CDKN2B-AS1: variants seen among roughly 807,000 people sequenced by gnomAD.
CDKN2B-AS1 encodes CDKN2B and CDKN2A antisense cis and trans regulatory RNA 1, also known as CDKN2B antisense RNA 1 (non-protein coding).
intron 1 of CDKN2B-AS1, among the ~76,000 whole-genome samples, chr9:22,035,260 G>A (rs1822642556): frequency 6.6e-6 from 1 of 151,952 alleles, no homozygotes; most frequent in African/African-American, 2.4e-5. Context: ...GTTCTTGTTG[G>A]TGCTTATTTC....
intron 4 of CDKN2B-AS1, among the ~76,000 whole-genome samples, chr9:22,111,093 TC>T (rs916224092): frequency 1.3e-5 from 2 of 152,184 alleles, no homozygotes; most frequent in African/African-American, 2.4e-5. Context: ...TTTGAGTTGT[TC>T]CCATTTTATT....
rs1587404636 is a variant in CDKN2B-AS1, at chr9:22,016,725, T to G, written n.29+21564T>G. On this transcript the variant is annotated intron_variant and non_coding_transcript_variant, in intron 1 of 4. Transcript: ENST00000650946. ...GGATTCCCTATTGAATAAATGGTGC[T>G]GGGAAAACTGGCTAGCCATATGTAG... Among the ~76,000 whole-genome samples, 2 of 152,302 alleles carry G rather than the reference T, an allele frequency of 1.3e-5. 1 individual carries two copies. Among genetic ancestry groups the G allele is most frequent in the African/African-American group, 4.8e-5 (2 of 41,588 alleles).
chr9:22,077,253 C>T (rs1236302036), intron 4 of CDKN2B-AS1, among the ~76,000 whole-genome samples: 1 of 148,122 alleles, frequency 6.8e-6, no homozygotes, highest in East Asian at 1.9e-4. Context: ...CTTCATTTAA[C>T]TCAATATATT....
At chr9:22,095,492 A>G (rs1044802192) in intron 4 of CDKN2B-AS1, among the ~76,000 whole-genome samples, 2 of 149,566 alleles carry the variant, frequency 1.3e-5, no homozygotes, top group African/African-American at 2.6e-5. Context: ...TTTGCTGAGG[A>G]GTGCTTTACT....
chr9:22,050,939 C>A (rs751974347), intron 3 of CDKN2B-AS1, among the ~76,000 whole-genome samples: 2 of 152,154 alleles, frequency 1.3e-5, no homozygotes, highest in Non-Finnish European at 2.9e-5. Context: ...TTTGAAAAAA[C>A]GGCTACCGTT....
intron 4 of CDKN2B-AS1, among the ~76,000 whole-genome samples, chr9:22,083,725 TTTGTGACTCAGTG>T (rs1248717707): frequency 6.6e-6 from 1 of 152,152 alleles, no homozygotes; most frequent in Non-Finnish European, 1.5e-5. Context: ...GTTTCTGAAT[TTTGTGACTCAGTG>T]AAGTTTTTGG....
Position 21,999,497 on chromosome 9 carries a change from TATAC to T in CDKN2B-AS1, n.29+4344_29+4347del, listed in dbSNP as rs1326653492. Among the ~76,000 whole-genome samples the T allele has an allele frequency of 1.3e-5, 2 of 151,986 alleles. No individual in the cohort carries two copies. Among genetic ancestry groups the T allele is most frequent in the Non-Finnish European group, 2.9e-5 (2 of 67,962 alleles). Reference sequence around the variant, plus strand: ...AGATGTATACACATGTACACATATATATACATACATATGTATATATGTATTTTAT... The same window carrying T: ...AGATGTATACACATGTACACATATATATACATATGTATATATGTATTTTAT... On this transcript the variant is annotated intron_variant and non_coding_transcript_variant, in intron 1 of 4. Transcript: ENST00000650946. The surrounding 1 kb of genome is among the most constrained non-coding windows in gnomAD (Gnocchi z 4.7).
At chr9:22,033,397 A>G (rs1463206304) in intron 1 of CDKN2B-AS1, among the ~76,000 whole-genome samples, 1 of 152,180 alleles carries the variant, frequency 6.6e-6, no homozygotes, top group African/African-American at 2.4e-5. Flanking sequence ...TTTCCTCACT[A>G]TATGCCAGCA....
At chr9:22,028,931 T>A (rs1822352107) in intron 1 of CDKN2B-AS1, among the ~76,000 whole-genome samples, 1 of 152,190 alleles carries the variant, frequency 6.6e-6, no homozygotes, top group Non-Finnish European at 1.5e-5. Flanking sequence ...AAACACAGAT[T>A]GATTATGGTA....
intron 4 of CDKN2B-AS1, chr9:22,121,130 C>A (rs147500678): frequency 6.6e-6 from 1 of 151,970 alleles, no homozygotes; most frequent in Non-Finnish European, 1.5e-5. Context: ...TACTTTTTCA[C>A]CCCATAACAC....
rs73650060 is a variant in CDKN2B-AS1 at position 22,116,760 on chromosome 9, G to T, written n.439-10343G>T. 8.1e-3 allele frequency among the ~76,000 whole-genome samples: 1,232 copies of T among 152,308 alleles called. 18 individuals carry two copies. Among genetic ancestry groups the T allele is most frequent in the African/African-American group, 0.028 (1,156 of 41,552 alleles). ...GCTGAGGCCATAAAAGGTCCTATAG[G>T]TCATGGAAAGACATTTGGTTACCAT... On this transcript the variant is annotated intron_variant and non_coding_transcript_variant, in intron 4 of 4. Transcript: ENST00000650946.
intron 1 of CDKN2B-AS1, among the ~76,000 whole-genome samples, chr9:22,033,950 T>C (rs917147827): frequency 2.6e-5 from 4 of 152,208 alleles, no homozygotes; most frequent in Admixed American, 2.6e-4. Context: ...CTTAAGATTA[T>C]ACAAGTAGTA....
intron 4 of CDKN2B-AS1, among the ~76,000 whole-genome samples, chr9:22,113,974 TAA>T (rs889891405): frequency 7.2e-5 from 11 of 152,186 alleles, no homozygotes; most frequent in African/African-American, 2.4e-4. Context: ...AAAATTCTCT[TAA>T]AAAGACTCTA....
chr9:22,033,178 T>C (rs1476824473), intron 1 of CDKN2B-AS1, among the ~76,000 whole-genome samples: 1 of 152,116 alleles, frequency 6.6e-6, no homozygotes, highest in African/African-American at 2.4e-5. Context: ...CCCACCCACC[T>C]GCAGAAGAAT....
intron 1 of CDKN2B-AS1, among the ~76,000 whole-genome samples, chr9:22,044,778 T>C (rs1273652691): frequency 6.6e-6 from 1 of 151,724 alleles, no homozygotes; most frequent in African/African-American, 2.4e-5. Flanking sequence ...GCCAAATGAG[T>C]CAGTAAGAGA....
At chr9:22,083,187 A>G (rs1392902488) in intron 4 of CDKN2B-AS1, among the ~76,000 whole-genome samples, 1 of 152,230 alleles carries the variant, frequency 6.6e-6, no homozygotes, top group Non-Finnish European at 1.5e-5. Flanking sequence ...AAATTGCATC[A>G]TACAGAGATG....
intron 4 of CDKN2B-AS1, among the ~76,000 whole-genome samples, chr9:22,094,570 C>G (rs1825209793): frequency 6.9e-6 from 1 of 144,428 alleles, no homozygotes; most frequent in Non-Finnish European, 1.5e-5. Context: ...ATTTGATCTT[C>G]CATCACTGAT....
chr9:22,109,281 A>C (rs1412180015), intron 4 of CDKN2B-AS1, among the ~76,000 whole-genome samples: 4 of 152,172 alleles, frequency 2.6e-5, no homozygotes, highest in African/African-American at 9.6e-5. Context: ...AAGCAAGCAA[A>C]GCTTCTTTAT....
intron 1 of CDKN2B-AS1, among the ~76,000 whole-genome samples, chr9:22,044,189 C>G (rs1185705390): frequency 6.6e-6 from 1 of 151,912 alleles, no homozygotes; most frequent in African/African-American, 2.4e-5. Flanking sequence ...TTAGTCAGCT[C>G]AGATTTCACA....
Sources: allele counts gnomAD v4.1 joint callset (sites outside exome capture counted in the v4.1 genomes callset), GRCh38; gene constraint gnomAD v4.1.1; non-coding constraint Gnocchi (gnomAD v3.1); transcripts MANE v1.5; gene names NCBI Gene and HGNC (gene_info 2026-07-23, HGNC 2026-07-21).